BCAT1: variants seen among roughly 807,000 people sequenced by gnomAD.
BCAT1 encodes branched-chain-amino-acid aminotransferase, cytosolic.
A neutral mutation model predicts 52.4 loss-of-function variants in BCAT1; 48 were observed. The observed-to-expected ratio is 0.92, with a 90% CI of 0.73 to 1.16. The LOEUF (loss-of-function observed/expected upper bound fraction) is 1.16. Ranked by LOEUF, BCAT1 falls within the 50% of genes most tolerant of loss-of-function variation. The pLI, the probability that BCAT1 is intolerant of heterozygous loss-of-function variation, is 0.00. For synonymous variants in BCAT1, 167 were observed against 161.3 expected, an observed-to-expected ratio of 1.04 and a Z score of -0.27; for missense variants, 451 against 457.1, an observed-to-expected ratio of 0.99 and a Z score of 0.12.
intron 3 of BCAT1, among the ~76,000 whole-genome samples, chr12:24,889,991 C>A (rs752672646): frequency 6.6e-6 from 1 of 152,146 alleles, no homozygotes; most frequent in Non-Finnish European, 1.5e-5. Flanking sequence ...GGGTGGCACA[C>A]CCCGGGAGGG....
rs2139776963 is a variant in BCAT1 at position 24,948,960 on chromosome 12, A to C, written c.-28T>G. On this transcript the variant is annotated 5_prime_UTR_variant, in exon 1 of 11. Transcript: ENST00000261192. ...TTCCGTCGGCCACGAGGGAAGCTCGAGCTGAGCGGAGGGCAGATCCCAAGG... is the reference window on the plus strand; with the variant it reads ...TTCCGTCGGCCACGAGGGAAGCTCGCGCTGAGCGGAGGGCAGATCCCAAGG... The C allele has an allele frequency of 6.3e-7, 1 of 1,588,940 alleles. No individual in the cohort carries two copies. Among genetic ancestry groups the C allele is most frequent in the Non-Finnish European group, 8.6e-7 (1 of 1,167,392 alleles).
intron 1 of BCAT1, among the ~76,000 whole-genome samples, chr12:24,928,503 G>T (rs1309621149): frequency 6.6e-6 from 1 of 151,976 alleles, no homozygotes; most frequent in Admixed American, 6.6e-5. Flanking sequence ...AGCCGGGTGT[G>T]GTGGCACATG....
chr12:24,834,712 A>G (rs756047240), intron 8 of BCAT1: 49 of 1,044,078 alleles, frequency 4.7e-5, no homozygotes, highest in Non-Finnish European at 5.3e-5. Context: ...GAAAGTTTCA[A>G]TTTCTCTCAG....
chr12:24,895,090 G>C (rs1942929560), intron 2 of BCAT1, among the ~76,000 whole-genome samples: 1 of 152,118 alleles, frequency 6.6e-6, no homozygotes, highest in African/African-American at 2.4e-5. Flanking sequence ...GTGAACAAAG[G>C]AACTCTTATT....
At chr12:24,818,986 C>G (rs958666012) in intron 10 of BCAT1, among the ~76,000 whole-genome samples, 3 of 152,308 alleles carry the variant, frequency 2.0e-5, no homozygotes, top group African/African-American at 7.2e-5. Context: ...CTTATTACCT[C>G]ATTTAATACC....
intron 5 of BCAT1, among the ~76,000 whole-genome samples, chr12:24,874,094 A>G (rs1942259432): frequency 6.6e-6 from 1 of 152,116 alleles, no homozygotes. Context: ...TGGGCAGAAC[A>G]CCTGAGGTCA....
At chr12:24,949,182 G>GC, upstream of BCAT1, 1 of 533,300 alleles carries the variant, frequency 1.9e-6, no homozygotes. Context: ...CCCCCAGGCC[G>GC]CCCCCAGATG....
chr12:24,836,898 A>AAAAGAAAG (rs1940966114), intron 7 of BCAT1, among the ~76,000 whole-genome samples: 1 of 47,258 alleles, frequency 2.1e-5, no homozygotes, highest in African/African-American at 8.1e-5. Flanking sequence ...AGAAAGAAAG[A>AAAAGAAAG]AAAGAAAGAG....
chr12:24,945,650 T>A (rs1042183040), intron 1 of BCAT1: 2 of 152,098 alleles, frequency 1.3e-5, no homozygotes, highest in Non-Finnish European at 2.9e-5. Context: ...CTGGCCAACA[T>A]GGCAAAACTC....
intron 6 of BCAT1, among the ~76,000 whole-genome samples, chr12:24,842,620 T>G (rs1032610181): frequency 6.6e-6 from 1 of 152,178 alleles, no homozygotes; most frequent in Non-Finnish European, 1.5e-5. Flanking sequence ...ATTTCCATTG[T>G]TCAGATGAGA....
At chr12:24,829,669 G>A (rs2139368584) in intron 10 of BCAT1, among the ~76,000 whole-genome samples, 154 bp downstream of exon 10, 1 of 151,742 alleles carries the variant, frequency 6.6e-6, no homozygotes, top group South Asian at 2.1e-4. Context: ...ATTGTGTTGG[G>A]AATATCTTCC....
chr12:24,925,498 T>C (rs1329168303), intron 1 of BCAT1, among the ~76,000 whole-genome samples: 1 of 152,206 alleles, frequency 6.6e-6, no homozygotes, highest in African/African-American at 2.4e-5. Flanking sequence ...ATATGCCCTA[T>C]TGGTTCTGTT....
rs1939667863 is a variant in BCAT1 at position 24,811,221 on chromosome 12, A to G, written c.*6787T>C. 6.6e-6 allele frequency: 1 copy of G among 152,158 alleles called. No individual in the cohort carries two copies. The highest frequency in any genetic ancestry group is 2.4e-5 in the African/African-American group (1 of 41,442). The allele number at this position is 152,158 out of a possible 1,614,324, so 9.4% of individuals were successfully genotyped here. A position where few individuals can be genotyped will look rare whatever the true frequency, so the allele number is the denominator to read the frequency against. On this transcript the variant is annotated 3_prime_UTR_variant, in exon 11 of 11. Transcript: ENST00000261192. Reference sequence around the variant, plus strand: ...GTTTCTGGTCTTTCTGGTGTGCTCAATTCTCTCTGTGTCATTTTGGTGTAA... The same window carrying G: ...GTTTCTGGTCTTTCTGGTGTGCTCAGTTCTCTCTGTGTCATTTTGGTGTAA...
intron 3 of BCAT1, among the ~76,000 whole-genome samples, chr12:24,889,473 T>C (rs1224261259): frequency 6.6e-6 from 1 of 152,214 alleles, no homozygotes; most frequent in Non-Finnish European, 1.5e-5. Context: ...CATCAAGAAG[T>C]GGAGTGCTTT....
At chr12:24,933,587 T>G (rs1207107797) in intron 1 of BCAT1, among the ~76,000 whole-genome samples, 1 of 152,084 alleles carries the variant, frequency 6.6e-6, no homozygotes, top group Non-Finnish European at 1.5e-5. Context: ...AGGAACCTGG[T>G]CGAAGGTGAT....
rs560924714 is a variant in BCAT1 at position 24,869,760 on chromosome 12, G to A, written c.510+8770C>T. Among the ~76,000 whole-genome samples, 11 of 152,284 alleles carry A rather than the reference G, an allele frequency of 7.2e-5. No homozygotes were observed. In the South Asian group the frequency reaches 8.3e-4, roughly 11 times the overall value. Reference sequence around the variant, plus strand: ...TGGTTGACTCTATTGGAGAGGGAACGGAGGCAAAGGAGAAAGGTACACAAA... The same window carrying A: ...TGGTTGACTCTATTGGAGAGGGAACAGAGGCAAAGGAGAAAGGTACACAAA... On this transcript the variant is annotated intron_variant, in intron 5 of 10. Coordinates refer to ENST00000261192, the MANE Select transcript of BCAT1 (RefSeq NM_005504.7).
chr12:24,912,145 G>A (rs1943336893), intron 1 of BCAT1, among the ~76,000 whole-genome samples: 1 of 152,128 alleles, frequency 6.6e-6, no homozygotes, highest in South Asian at 2.1e-4. Context: ...ATTATTAAGT[G>A]CATTATTTAT....
chr12:24,917,266 T>A (rs1048009087), intron 1 of BCAT1, among the ~76,000 whole-genome samples: 4 of 146,320 alleles, frequency 2.7e-5, no homozygotes, highest in African/African-American at 1.0e-4. Context: ...GCAAGCTCCG[T>A]CTTGCCGCTT....
At chr12:24,844,617 G>T (rs1235583241) in intron 6 of BCAT1, among the ~76,000 whole-genome samples, 1 of 151,812 alleles carries the variant, frequency 6.6e-6, no homozygotes, top group African/African-American at 2.4e-5. Flanking sequence ...TCCTTAAAAG[G>T]GCCAGGCGCG....
Sources: gnomAD v4.1 joint callset for allele counts (sites outside exome capture counted in the v4.1 genomes callset) on GRCh38, gnomAD v4.1.1 for gene constraint, MANE v1.5 for transcripts, NCBI Gene and HGNC (gene_info 2026-07-23, HGNC 2026-07-21) for gene names.